GNB4: variants seen among roughly 807,000 people sequenced by gnomAD.
GNB4 encodes the protein guanine nucleotide-binding protein subunit beta-4.
Under a neutral mutation model 45.2 loss-of-function variants are expected in GNB4, and 28 were observed. That is an observed-to-expected ratio of 0.62 (90% CI 0.46 to 0.85). The LOEUF (loss-of-function observed/expected upper bound fraction) is 0.85. Among genes scored for constraint, GNB4 ranks in the 40% least tolerant of loss-of-function variants. GNB4 has a pLI of 0.00. For synonymous variants in GNB4, 132 were observed against 143.7 expected, an observed-to-expected ratio of 0.92 and a Z score of 0.58; for missense variants, 321 against 425.4, an observed-to-expected ratio of 0.75 and a Z score of 2.16.
At chr3:179,507,701 C>T in the GNB4 span, among the ~76,000 whole-genome samples, 4 of 152,294 alleles carry the variant, frequency 2.6e-5, no homozygotes, top group African/African-American at 9.6e-5. Flanking sequence ...ATTACCTCCT[C>T]GGTGAAGTCC....
At chr3:179,456,825 T>TG in the GNB4 span, among the ~76,000 whole-genome samples, 150,083 of 152,338 alleles carry the variant, frequency 0.99, 73,939 homozygotes, top group East Asian at 1. Context: ...ATACAGTATG[T>TG]ACCTTTCGAG....
intron 1 of GNB4, among the ~76,000 whole-genome samples, chr3:179,441,932 C>T (rs986806978): frequency 1.3e-5 from 2 of 151,834 alleles, no homozygotes; most frequent in Non-Finnish European, 2.9e-5. Context: ...CTCAGCCTTC[C>T]GAGTAGCTGA....
chr3:179,440,849 T>A (rs924361178), intron 1 of GNB4, among the ~76,000 whole-genome samples: 1 of 149,276 alleles, frequency 6.7e-6, no homozygotes, highest in Non-Finnish European at 1.5e-5. Flanking sequence ...TTTCGGTGTA[T>A]TTTTTAAAAA....
chr3:179,463,588 A>C, the GNB4 span, among the ~76,000 whole-genome samples: 234 of 152,340 alleles, frequency 1.5e-3, no homozygotes, highest in Non-Finnish European at 2.1e-3. Flanking sequence ...GATCTTGCCC[A>C]AGAGCACTAA....
rs568842746 is a variant in GNB4, at chr3:179,411,285, T to C, written c.699+2127A>G. ...CTAACATTCTAAACAGTGTGAGAAA[T>C]GTCACTGTTAAAATCATCACTGAAT... On this transcript the variant is annotated intron_variant, in intron 8 of 9. Coordinates refer to ENST00000232564, the MANE Select transcript of GNB4 (RefSeq NM_021629.4). Among the ~76,000 whole-genome samples, 443 of 152,178 alleles carry C rather than the reference T, an allele frequency of 2.9e-3. 5 individuals carry two copies. The highest frequency in any genetic ancestry group is 0.01 in the African/African-American group (435 of 41,528).
the GNB4 span, among the ~76,000 whole-genome samples, chr3:179,475,211 G>A: frequency 2.0e-5 from 3 of 151,880 alleles, no homozygotes; most frequent in Non-Finnish European, 4.4e-5. Context: ...TCCACCTCCC[G>A]GGTTCAAGCA....
the GNB4 span, among the ~76,000 whole-genome samples, chr3:179,466,080 G>A: frequency 1.3e-5 from 2 of 149,424 alleles, no homozygotes; most frequent in African/African-American, 4.9e-5. Flanking sequence ...GCGTGATCTC[G>A]GGTCACTGCA....
At chr3:179,483,285 T>C in the GNB4 span, among the ~76,000 whole-genome samples, 1 of 152,088 alleles carries the variant, frequency 6.6e-6, no homozygotes, top group Admixed American at 6.6e-5. Context: ...AATAGGAATT[T>C]AAAACCCAGG....
intron 9 of GNB4, among the ~76,000 whole-genome samples, chr3:179,404,163 G>A (rs1424158422): frequency 6.6e-6 from 1 of 152,144 alleles, no homozygotes; most frequent in South Asian, 2.1e-4. Context: ...AAAGCTGCAT[G>A]GCAAAAGAAG....
chr3:179,457,611 C>T, the GNB4 span, among the ~76,000 whole-genome samples: 2 of 152,168 alleles, frequency 1.3e-5, no homozygotes, highest in African/African-American at 4.8e-5. Flanking sequence ...TCTCTGGGAG[C>T]TCCATTCATT....
At chr3:179,454,537 G>T (rs1715949449), upstream of GNB4, among the ~76,000 whole-genome samples, 1 of 152,124 alleles carries the variant, frequency 6.6e-6, no homozygotes, top group Admixed American at 6.5e-5. Flanking sequence ...TCTGCTCTTG[G>T]TCCTACATTG....
At chr3:179,461,707 C>T in the GNB4 span, among the ~76,000 whole-genome samples, 1 of 152,108 alleles carries the variant, frequency 6.6e-6, no homozygotes, top group Non-Finnish European at 1.5e-5. Context: ...TAACTAAAAA[C>T]AAATTTTTTT....
intron 4 of GNB4, among the ~76,000 whole-genome samples, chr3:179,418,181 C>T (rs904775629): frequency 3.3e-5 from 5 of 151,944 alleles, no homozygotes; most frequent in African/African-American, 1.2e-4. Flanking sequence ...AAGAATAAGA[C>T]ATTCGGCCAG....
intron 1 of GNB4, among the ~76,000 whole-genome samples, chr3:179,426,957 C>G (rs1011819674): frequency 2.0e-5 from 3 of 151,980 alleles, no homozygotes; most frequent in African/African-American, 7.3e-5. Context: ...CTATCTTGAC[C>G]CACAGACCCT....
chr3:179,511,118 T>G, the GNB4 span, among the ~76,000 whole-genome samples: 1 of 152,174 alleles, frequency 6.6e-6, no homozygotes, highest in African/African-American at 2.4e-5. Context: ...CTCCTCTCAG[T>G]GTTGGCCACA....
At chr3:179,499,159 T>TC in the GNB4 span, among the ~76,000 whole-genome samples, 54 of 69,258 alleles carry the variant, frequency 7.8e-4, no homozygotes, top group African/African-American at 1.2e-3. Flanking sequence ...CATTTTCTTT[T>TC]TTTTTTTTTT....
At chr3:179,407,102 A>G (rs1431841964) in intron 8 of GNB4, among the ~76,000 whole-genome samples, 1 of 152,232 alleles carries the variant, frequency 6.6e-6, no homozygotes, top group African/African-American at 2.4e-5. Context: ...GGACAAAAAT[A>G]TATAAAACAT....
At chr3:179,439,397 GAA>G (rs1350680131) in intron 1 of GNB4, among the ~76,000 whole-genome samples, 1 of 152,156 alleles carries the variant, frequency 6.6e-6, no homozygotes, top group Non-Finnish European at 1.5e-5. Flanking sequence ...AAGCCTAAAG[GAA>G]AAGTCAAGCT....
At chr3:179,422,398 G>A (rs1715008146) in intron 2 of GNB4, among the ~76,000 whole-genome samples, 3 of 151,816 alleles carry the variant, frequency 2.0e-5, no homozygotes, top group South Asian at 4.2e-4. Flanking sequence ...AGGCCGAGGA[G>A]GAAGGATCGC....
Sources: allele counts gnomAD v4.1 joint callset (sites outside exome capture counted in the v4.1 genomes callset), GRCh38; gene constraint gnomAD v4.1.1; transcripts MANE v1.5; gene names NCBI Gene and HGNC (gene_info 2026-07-23, HGNC 2026-07-21).